The following SNTG1 variants were observed in gnomAD, a reference collection of about 807,000 sequenced individuals.
The protein encoded by SNTG1 is syntrophin gamma 1, also known as gamma-1-syntrophin.
SNTG1 carries 39 observed loss-of-function variants against 74.7 expected under a neutral mutation model. The observed-to-expected ratio is 0.52, with a 90% CI of 0.40 to 0.68. SNTG1 has a LOEUF of 0.68. Ranked by LOEUF, SNTG1 falls within the 30% of genes least tolerant of loss-of-function variation. SNTG1 has a pLI of 0.00. For synonymous variants in SNTG1, 254 were observed against 217.1 expected (o/e 1.17, Z -1.49); for missense variants, 685 against 609.5 (o/e 1.12, Z -1.30).
intron 2 of SNTG1, among the ~76,000 whole-genome samples, chr8:50,237,128 T>G (rs1396289872): frequency 6.6e-6 from 1 of 152,200 alleles, no homozygotes; most frequent in Non-Finnish European, 1.5e-5. Flanking sequence ...TTCCTCACTC[T>G]ATTTTTTTAC....
intron 1 of SNTG1, among the ~76,000 whole-genome samples, chr8:50,002,826 G>GCCAAAAAACAGAACAAACAAATGTCCAT (rs1814869705): frequency 6.6e-6 from 1 of 152,074 alleles, no homozygotes; most frequent in African/African-American, 2.4e-5. Flanking sequence ...ATTTGTAATA[G>GCCAAAAAACAGAACAAACAAATGTCCAT]CCAAAAAACA....
intron 2 of SNTG1, among the ~76,000 whole-genome samples, chr8:50,244,761 GT>G (rs914829105): frequency 6.6e-6 from 1 of 152,094 alleles, no homozygotes; most frequent in African/African-American, 2.4e-5. Context: ...CCACATAATG[GT>G]TAGTCAAGTG....
intron 8 of SNTG1, among the ~76,000 whole-genome samples, chr8:50,456,179 A>G (rs575044750): frequency 6.6e-6 from 1 of 152,340 alleles, no homozygotes; most frequent in South Asian, 2.1e-4. Context: ...TAAGCTATAC[A>G]TCCAGACAGC....
chr8:50,375,891 C>T (rs760094207), intron 2 of SNTG1, among the ~76,000 whole-genome samples: 7 of 151,946 alleles, frequency 4.6e-5, no homozygotes, highest in East Asian at 1.9e-4. Context: ...AGCAACTTTA[C>T]GAAGAACAGT....
intron 13 of SNTG1, among the ~76,000 whole-genome samples, chr8:50,627,773 G>A (rs1250220240): frequency 5.3e-5 from 8 of 152,204 alleles, no homozygotes; most frequent in Non-Finnish European, 1.2e-4. Context: ...AATACATGGA[G>A]CAAGGCATGA....
intron 11 of SNTG1, among the ~76,000 whole-genome samples, chr8:50,550,693 G>A (rs555706201): frequency 6.7e-6 from 1 of 149,028 alleles, no homozygotes; most frequent in African/African-American, 2.5e-5. Flanking sequence ...TAGTGTGTGT[G>A]TATATATATA....
intron 2 of SNTG1, among the ~76,000 whole-genome samples, chr8:50,204,569 G>C (rs2084124308): frequency 6.6e-6 from 1 of 151,908 alleles, no homozygotes; most frequent in African/African-American, 2.4e-5. Flanking sequence ...CTTAAAATAA[G>C]ATATAAATTT....
rs372067413 is a variant in SNTG1 at position 50,190,659 on chromosome 8, C to A, written c.-28+18024C>A. Among the ~76,000 whole-genome samples the A allele has an allele frequency of 2.0e-5, 3 of 152,168 alleles. No individual in the cohort carries two copies. In the South Asian group the frequency reaches 6.2e-4, roughly 32 times the overall value. On this transcript the variant is annotated intron_variant, in intron 2 of 18. Coordinates refer to ENST00000642720, the MANE Select transcript of SNTG1 (RefSeq NM_018967.5). ...TCTTTTTTTAAGTGTTTGCTAGTGC[C>A]TTTTAGAGGTAAATTGTTTCAATAA... is the stretch of plus-strand genomic sequence containing the variant.
chr8:50,743,641 T>C (rs964626252), intron 17 of SNTG1, among the ~76,000 whole-genome samples: 1 of 147,690 alleles, frequency 6.8e-6, no homozygotes, highest in Non-Finnish European at 1.5e-5. Flanking sequence ...GCCAGAGCTA[T>C]TAGGCAAGAA....
intron 10 of SNTG1, among the ~76,000 whole-genome samples, chr8:50,531,299 G>A (rs1189918225): frequency 2.0e-5 from 3 of 151,526 alleles, no homozygotes; most frequent in African/African-American, 7.3e-5. Flanking sequence ...ATCTTCAGCT[G>A]GATATATTTC....
At chr8:50,147,836 C>T (rs2131512445) in intron 1 of SNTG1, among the ~76,000 whole-genome samples, 1 of 152,318 alleles carries the variant, frequency 6.6e-6, no homozygotes, top group East Asian at 1.9e-4. Context: ...ACCATAAACA[C>T]ACTGCATGTG....
intron 12 of SNTG1, among the ~76,000 whole-genome samples, chr8:50,587,160 A>G (rs1274199466): frequency 6.6e-6 from 1 of 151,686 alleles, no homozygotes; most frequent in East Asian, 1.9e-4. Context: ...TGCATATATA[A>G]ATTTATATAT....
chr8:50,745,867 G>A (rs532640263), intron 17 of SNTG1, among the ~76,000 whole-genome samples: 2 of 151,986 alleles, frequency 1.3e-5, no homozygotes, highest in South Asian at 4.1e-4. Context: ...CTGGGGCAGT[G>A]GGGAAAGATA....
intron 1 of SNTG1, among the ~76,000 whole-genome samples, chr8:50,125,183 G>A (rs1586379521): frequency 7.0e-6 from 1 of 142,072 alleles, no homozygotes; most frequent in Non-Finnish European, 1.6e-5. Flanking sequence ...AGGAAAGTGA[G>A]CATATGCATT....
At chr8:50,242,590 A>G (rs1341202891) in intron 2 of SNTG1, among the ~76,000 whole-genome samples, 2 of 150,984 alleles carry the variant, frequency 1.3e-5, no homozygotes, top group Non-Finnish European at 2.9e-5. Context: ...TTTTTATGGA[A>G]GCTTGTATAT....
chr8:50,740,374 AAAC>A (rs2095540262), intron 17 of SNTG1, among the ~76,000 whole-genome samples: 1 of 150,618 alleles, frequency 6.6e-6, no homozygotes, highest in Non-Finnish European at 1.5e-5. Context: ...AAAAAAAAAA[AAAC>A]CTCAACATCA....
rs549790383 is a variant in SNTG1 at position 50,229,893 on chromosome 8, T to C, written c.-28+57258T>C. Among the ~76,000 whole-genome samples, 244 of 151,664 alleles carry C rather than the reference T, an allele frequency of 1.6e-3. 2 individuals are homozygous for C. Among genetic ancestry groups the C allele is most frequent in the African/African-American group, 5.6e-3 (234 of 41,518 alleles). On this transcript the variant is annotated intron_variant, in intron 2 of 18. Coordinates refer to ENST00000642720, the MANE Select transcript of SNTG1 (RefSeq NM_018967.5). Reference sequence around the variant, plus strand: ...ATCATGCAAAGTCTATTCTCAGACTTCAATAGAGTTATGCCAAAACTCAAT... The same window carrying C: ...ATCATGCAAAGTCTATTCTCAGACTCCAATAGAGTTATGCCAAAACTCAAT...
chr8:50,097,582 G>A (rs965740192), intron 1 of SNTG1, among the ~76,000 whole-genome samples: 1 of 151,884 alleles, frequency 6.6e-6, no homozygotes, highest in African/African-American at 2.4e-5. Flanking sequence ...AACCCGGAAG[G>A]CGGAGCTTGC....
At position 50,515,386 on chromosome 8, in the gene SNTG1, AGTTT is replaced by A. The variant is rs2094122811; in HGVS notation, c.466+12507_466+12510del. ...GGGCAGACAACAAGCTAGCTGCAGG[AGTTT>A]TTTTTTTTTTTTTTTTTTTTTTTTT... On this transcript the variant is annotated intron_variant, in intron 9 of 18. Transcript: ENST00000642720. Among the ~76,000 whole-genome samples, 10 of 99,264 alleles carry A rather than the reference AGTTT, an allele frequency of 1.0e-4. No individual in the cohort carries two copies. In the East Asian group the frequency reaches 1.1e-3, roughly 11 times the overall value. 65.1% of individuals were successfully genotyped at this position (99,264 alleles called of 152,430 possible).
Sources: gnomAD v4.1 joint callset for allele counts (sites outside exome capture counted in the v4.1 genomes callset) on GRCh38, gnomAD v4.1.1 for gene constraint, MANE v1.5 for transcripts, NCBI Gene and HGNC (gene_info 2026-07-23, HGNC 2026-07-21) for gene names.